The following CNTNAP2 variants were observed in gnomAD, a reference collection of about 807,000 sequenced individuals.
The protein encoded by CNTNAP2 is contactin associated protein 2.
CNTNAP2 carries 98 observed loss-of-function variants against 155.2 expected under a neutral mutation model. The observed-to-expected ratio is 0.63, with a 90% CI of 0.54 to 0.75. The LOEUF (loss-of-function observed/expected upper bound fraction) is 0.75, where lower values mean the gene tolerates loss of function less well. Among genes scored for constraint, CNTNAP2 ranks in the 30% least tolerant of loss-of-function variants. The probability of loss-of-function intolerance (pLI) is 0.00; values close to 1 mark genes in which losing one functional copy is unlikely to be tolerated. For synonymous variants in CNTNAP2, 651 were observed against 631.2 expected (o/e 1.03, Z -0.47); for missense variants, 1,727 against 1,688.1 (o/e 1.02, Z -0.40).
chr7:148,283,670 T>A (rs1173575773), intron 21 of CNTNAP2, among the ~76,000 whole-genome samples: 2 of 152,198 alleles, frequency 1.3e-5, no homozygotes, highest in African/African-American at 4.8e-5. Flanking sequence ...TTCTTGTGTT[T>A]TTATTGGTGA....
intron 18 of CNTNAP2, among the ~76,000 whole-genome samples, chr7:148,179,055 G>T (rs1248253005): frequency 6.6e-6 from 1 of 152,182 alleles, no homozygotes; most frequent in African/African-American, 2.4e-5. Context: ...AGTATGCAGA[G>T]ATTCTGGAAG....
chr7:146,353,245 C>T (rs1345842359), intron 1 of CNTNAP2, among the ~76,000 whole-genome samples: 1 of 152,198 alleles, frequency 6.6e-6, no homozygotes, highest in Non-Finnish European at 1.5e-5. Flanking sequence ...GAGTCTCATG[C>T]TTAGTCCTCA....
intron 14 of CNTNAP2, among the ~76,000 whole-genome samples, chr7:147,955,667 G>T (rs1054961564): frequency 6.6e-6 from 1 of 152,072 alleles, no homozygotes; most frequent in Non-Finnish European, 1.5e-5. Context: ...TCACTGGCCT[G>T]CTCCCCACCT....
Position 148,325,895 on chromosome 7 carries a change from T to G in CNTNAP2, c.3476-57754T>G, listed in dbSNP as rs73466275. On this transcript the variant is annotated intron_variant, in intron 21 of 23. Transcript: ENST00000361727. ...AGCGTGGAAGGGGAAAGAGAGAGGT[T>G]CATGGACGGCTCTACCATGATGCCA... Among the ~76,000 whole-genome samples, 990 of 152,168 alleles carry G rather than the reference T, an allele frequency of 6.5e-3. 8 individuals are homozygous for G. Among genetic ancestry groups the G allele is most frequent in the African/African-American group, 0.023 (944 of 41,494 alleles).
rs143933842 is a variant in CNTNAP2 at position 146,445,351 on chromosome 7, A to C, written c.97+328378A>C. On this transcript the variant is annotated intron_variant, in intron 1 of 23. Coordinates refer to ENST00000361727, the MANE Select transcript of CNTNAP2 (RefSeq NM_014141.6). The stretch of plus-strand genomic sequence containing the variant: ...AAAAAAGAGAAATTTACTTGTGATC[A>C]AAATTCCTTTCAATGTCTAGAAATG... 3.1e-3 allele frequency among the ~76,000 whole-genome samples: 478 copies of C among 152,330 alleles called. 5 individuals are homozygous for C. Among genetic ancestry groups the C allele is most frequent in the African/African-American group, 0.011 (460 of 41,568 alleles).
rs568597453 is a variant in CNTNAP2, at chr7:146,160,647, A to C, written c.97+43674A>C. Among the ~76,000 whole-genome samples the C allele has an allele frequency of 6.6e-5, 10 of 152,290 alleles. No individual in the cohort carries two copies. The East Asian group carries it at 1.7e-3, about 27-fold the overall frequency. The stretch of plus-strand genomic sequence containing the variant: ...GACACATATACCCTCCCAAGACTTA[A>C]CCAAGAAGAAGTTGAATCCCTGAAT... On this transcript the variant is annotated intron_variant, in intron 1 of 23. Coordinates refer to ENST00000361727, the MANE Select transcript of CNTNAP2 (RefSeq NM_014141.6).
At chr7:146,392,145 C>A (rs1356429582) in intron 1 of CNTNAP2, among the ~76,000 whole-genome samples, 1 of 152,014 alleles carries the variant, frequency 6.6e-6, no homozygotes, top group Non-Finnish European at 1.5e-5. Flanking sequence ...TTAAGGTCCA[C>A]CTTGGAGATT....
chr7:147,334,278 A>G (rs1009884969), intron 9 of CNTNAP2, among the ~76,000 whole-genome samples: 1 of 152,146 alleles, frequency 6.6e-6, no homozygotes, highest in African/African-American at 2.4e-5. Flanking sequence ...ATATGCAAAT[A>G]CCAAATAAAA....
chr7:147,417,431 A>G (rs1454537100), intron 10 of CNTNAP2, among the ~76,000 whole-genome samples: 1 of 152,088 alleles, frequency 6.6e-6, no homozygotes, highest in Non-Finnish European at 1.5e-5. Flanking sequence ...CTTTTTTTAA[A>G]TAACAGCATT....
intron 22 of CNTNAP2, among the ~76,000 whole-genome samples, chr7:148,402,863 C>A (rs1050150460): frequency 6.6e-6 from 1 of 151,746 alleles, no homozygotes; most frequent in East Asian, 1.9e-4. Flanking sequence ...TATATGACAA[C>A]CTGAAGCTTC....
chr7:146,705,187 T>C (rs1223167736), intron 1 of CNTNAP2, among the ~76,000 whole-genome samples: 2 of 152,174 alleles, frequency 1.3e-5, no homozygotes, highest in African/African-American at 4.8e-5. Flanking sequence ...TGCCTCAGTA[T>C]ATTAACTTGC....
At chr7:147,208,477 A>G (rs1803067469) in intron 8 of CNTNAP2, among the ~76,000 whole-genome samples, 1 of 152,048 alleles carries the variant, frequency 6.6e-6, no homozygotes, top group African/African-American at 2.4e-5. Flanking sequence ...CTCTATGGAA[A>G]AGTGCAGGGT....
intron 21 of CNTNAP2, among the ~76,000 whole-genome samples, chr7:148,381,077 C>T (rs1730413): frequency 0.72 from 108,810 of 152,168 alleles, 40,066 homozygotes; most frequent in Admixed American, 0.8. Context: ...GGTGCAGGAG[C>T]CAGGGTGAGC....
chr7:148,073,833 G>A (rs551505796), intron 15 of CNTNAP2, among the ~76,000 whole-genome samples: 5 of 151,876 alleles, frequency 3.3e-5, no homozygotes, highest in African/African-American at 1.2e-4. Flanking sequence ...TGCAACCAAG[G>A]CAAGACACAA....
chr7:148,053,068 TA>T (rs1408711291), intron 15 of CNTNAP2, among the ~76,000 whole-genome samples: 1 of 151,662 alleles, frequency 6.6e-6, no homozygotes, highest in African/African-American at 2.4e-5. Context: ...AAACATCACC[TA>T]AAAAAAAGTC....
intron 1 of CNTNAP2, among the ~76,000 whole-genome samples, chr7:146,708,455 ATAAT>A (rs1324552105): frequency 2.0e-4 from 31 of 151,980 alleles, no homozygotes; most frequent in Admixed American, 5.9e-4. Context: ...TAATTTTTAA[ATAAT>A]TAATTACTAC....
At chr7:146,607,214 T>G (rs576981492) in intron 1 of CNTNAP2, among the ~76,000 whole-genome samples, 6 of 152,112 alleles carry the variant, frequency 3.9e-5, no homozygotes, top group Non-Finnish European at 7.4e-5. Flanking sequence ...TTCAAACAGA[T>G]TGGGTAACGT....
intron 10 of CNTNAP2, among the ~76,000 whole-genome samples, chr7:147,441,381 T>C (rs1412743282): frequency 1.3e-5 from 2 of 152,142 alleles, no homozygotes; most frequent in Non-Finnish European, 2.9e-5. Context: ...TTGAATTTCT[T>C]TGAGTTTCCT....
intron 15 of CNTNAP2, among the ~76,000 whole-genome samples, chr7:147,999,288 G>A (rs1039405826): frequency 6.6e-6 from 1 of 151,988 alleles, no homozygotes; most frequent in Non-Finnish European, 1.5e-5. Flanking sequence ...TCACCATGTT[G>A]GCCAGATGGT....
Sources: allele counts gnomAD v4.1 joint callset (sites outside exome capture counted in the v4.1 genomes callset), GRCh38; gene constraint gnomAD v4.1.1; transcripts MANE v1.5; gene names NCBI Gene and HGNC (gene_info 2026-07-23, HGNC 2026-07-21).